The following LINGO3 variants were observed in gnomAD, a reference collection of about 807,000 sequenced individuals.
LINGO3 encodes the protein leucine-rich repeat and immunoglobulin-like domain-containing nogo receptor-interacting protein 3.
For missense variants in LINGO3, 750 were observed against 867.7 expected, an observed-to-expected ratio of 0.86 and a Z score of 1.70; for synonymous variants, 427 against 444.2, an observed-to-expected ratio of 0.96 and a Z score of 0.49.
the LINGO3 span, among the ~76,000 whole-genome samples, chr19:2,305,866 G>A: frequency 6.6e-6 from 1 of 152,230 alleles, no homozygotes; most frequent in Non-Finnish European, 1.5e-5. Flanking sequence ...TCCAAGGTCT[G>A]CTTTTGGGGA....
chr19:2,302,736 T>A, the LINGO3 span, among the ~76,000 whole-genome samples: 1 of 152,214 alleles, frequency 6.6e-6, no homozygotes, highest in Admixed American at 6.5e-5. Flanking sequence ...CTCATTACCA[T>A]GCACGACCAG....
the LINGO3 span, among the ~76,000 whole-genome samples, chr19:2,297,900 G>T: frequency 3.1e-3 from 475 of 151,690 alleles, 1 homozygote; most frequent in South Asian, 5.4e-3. Context: ...CACCGCGCCT[G>T]GCCTGTTTGT....
chr19:2,298,760 C>T, the LINGO3 span, among the ~76,000 whole-genome samples: 2 of 151,976 alleles, frequency 1.3e-5, no homozygotes, highest in Admixed American at 6.6e-5. Context: ...AGGCTGGTCT[C>T]GAACTCCTGA....
the LINGO3 span, among the ~76,000 whole-genome samples, chr19:2,298,664 C>T: frequency 6.6e-6 from 1 of 151,822 alleles, no homozygotes; most frequent in Non-Finnish European, 1.5e-5. Context: ...TCTCAGCCTC[C>T]CGAGTAGCTG....
the LINGO3 span, among the ~76,000 whole-genome samples, chr19:2,306,445 C>T: frequency 1.3e-5 from 2 of 152,138 alleles, no homozygotes; most frequent in Non-Finnish European, 2.9e-5. Context: ...CAGGGGGCGC[C>T]GGGGAATGAC....
chr19:2,301,092 A>G, the LINGO3 span, among the ~76,000 whole-genome samples: 1 of 151,912 alleles, frequency 6.6e-6, no homozygotes, highest in Non-Finnish European at 1.5e-5. Flanking sequence ...GCATCCCACA[A>G]TCCTCAGCCC....
the LINGO3 span, among the ~76,000 whole-genome samples, chr19:2,302,591 G>A: frequency 6.6e-6 from 1 of 152,026 alleles, no homozygotes; most frequent in African/African-American, 2.4e-5. Context: ...CACCAGGCCC[G>A]GACTGCCCGT....
the LINGO3 span, among the ~76,000 whole-genome samples, chr19:2,304,605 G>A: frequency 6.6e-6 from 1 of 151,998 alleles, no homozygotes; most frequent in Non-Finnish European, 1.5e-5. Context: ...GATAGGGTGG[G>A]GCCCTGAGCC....
the LINGO3 span, among the ~76,000 whole-genome samples, chr19:2,297,460 A>G: frequency 1.4e-4 from 21 of 151,840 alleles, no homozygotes; most frequent in South Asian, 2.7e-3. Context: ...GCCCGCCACC[A>G]CGCCCGGCTA....
At chr19:2,292,423 AAAGC>A (rs1232543280), upstream of LINGO3, among the ~76,000 whole-genome samples, 4 of 147,062 alleles carry the variant, frequency 2.7e-5, no homozygotes, top group African/African-American at 9.9e-5. Context: ...AAAAAAAAAA[AAAGC>A]AGCATTGATC....
chr19:2,301,414 G>A, the LINGO3 span, among the ~76,000 whole-genome samples: 1 of 152,066 alleles, frequency 6.6e-6, no homozygotes, highest in Non-Finnish European at 1.5e-5. Context: ...CTTCCCAGTC[G>A]TGACAGGCAC....
In LINGO3 at chr19:2,290,359, T is replaced by C; in HGVS notation, c.1418A>G (p.Gln473Arg). Residue 473 changes from glutamine to arginine, a missense_variant, in exon 1 of 1, where the codon CAG (glutamine) becomes CGG (arginine). By Grantham distance (43) the Gln-to-Arg change is conservative. Transcript: ENST00000585527. The surrounding 1 kb of genome is among the most constrained non-coding windows in gnomAD (Gnocchi z 6.0). The stretch of plus-strand genomic sequence containing the variant: ...CACGCACGTGTAGGTGCCGCTGTCC[T>C]GCGGCCGCGCGTCCTGGATCTCCAG... 6.7e-7 allele frequency: 1 copy of C among 1,496,080 alleles called. No individual in the cohort carries two copies. The highest frequency in any genetic ancestry group is 8.8e-7 in the Non-Finnish European group (1 of 1,131,448). The allele number at this position is 1,496,080 out of a possible 1,614,324, so 92.7% of individuals were successfully genotyped here. A position where few individuals can be genotyped will look rare whatever the true frequency, so the allele number is the denominator to read the frequency against.
At chr19:2,294,054 G>T (rs2025551514), upstream of LINGO3, among the ~76,000 whole-genome samples, 1 of 150,774 alleles carries the variant, frequency 6.6e-6, no homozygotes, top group Non-Finnish European at 1.5e-5. The surrounding 1 kb of genome is among the most constrained non-coding windows in gnomAD (Gnocchi z 4.3). Flanking sequence ...TGTCTCAAGG[G>T]AAAAAAAAAG....
downstream of LINGO3, among the ~76,000 whole-genome samples, chr19:2,289,631 T>C (rs1263217758): frequency 6.6e-6 from 1 of 151,898 alleles, no homozygotes; most frequent in Admixed American, 6.6e-5. Context: ...GGCAGCAGTC[T>C]TGTGCCTCCT....
chr19:2,290,691 CCA>C lies in LINGO3; in HGVS notation c.1084_1085del (p.Trp362AspfsTer298). The C allele has an allele frequency of 6.2e-7, 1 of 1,611,450 alleles. No individual in the cohort carries two copies. Among genetic ancestry groups the C allele is most frequent in the Non-Finnish European group, 8.5e-7 (1 of 1,179,448 alleles). On this transcript the variant is annotated frameshift_variant, in exon 1 of 1. Transcript: ENST00000585527. LOFTEE classifies it low-confidence loss of function (END_TRUNC). This position sits in a 1 kb window ranked among gnomAD's most constrained non-coding sequence, Gnocchi z 6.0. ...TGAGGGTCTTGCGACGCTGCACGATCCACAGCAGGCGACAGTCGCAGGCCAGC... is the reference window on the plus strand; with the variant it reads ...TGAGGGTCTTGCGACGCTGCACGATCCAGCAGGCGACAGTCGCAGGCCAGC...
chr19:2,291,053 T>C (rs1165163593), exon 1 of LINGO3: 4 of 1,610,220 alleles, frequency 2.5e-6, no homozygotes, highest in Non-Finnish European at 3.4e-6. Context: ...CCCCGCAGGC[T>C]GCCCGCCGCC....
chr19:2,299,010 A>G, the LINGO3 span, among the ~76,000 whole-genome samples: 1 of 152,112 alleles, frequency 6.6e-6, no homozygotes, highest in Non-Finnish European at 1.5e-5. Flanking sequence ...TCTGTTGAGA[A>G]ACCTACCCTC....
chr19:2,290,179 A>T lies in LINGO3; in HGVS notation c.1598T>A (p.Met533Lys). The T allele has an allele frequency of 1.9e-6, 3 of 1,612,110 alleles. No individual in the cohort carries two copies. Among genetic ancestry groups the T allele is most frequent in the Non-Finnish European group, 2.5e-6 (3 of 1,179,574 alleles). Residue 533 changes from methionine to lysine, a missense_variant, in exon 1 of 1, where the codon ATG (methionine) becomes AAG (lysine). Physicochemically the swap from Met to Lys is moderately conservative, Grantham distance 95 (BLOSUM62 -1). Coordinates refer to ENST00000585527, the Ensembl canonical transcript of LINGO3. The surrounding 1 kb of genome is among the most constrained non-coding windows in gnomAD (Gnocchi z 6.0). ...CACGCCCAGGAAGGTGATGCAGCCC[A>T]TGGCGGTGGACACCAGGATGGTGGT... is the stretch of plus-strand genomic sequence containing the variant.
At chr19:2,305,722 C>A in the LINGO3 span, among the ~76,000 whole-genome samples, 11 of 152,176 alleles carry the variant, frequency 7.2e-5, no homozygotes, top group Non-Finnish European at 1.2e-4. Flanking sequence ...CCCACAGTGA[C>A]CTCCATCTCC....
Sources: gnomAD v4.1 joint callset for allele counts (sites outside exome capture counted in the v4.1 genomes callset) on GRCh38, gnomAD v4.1.1 for gene constraint, Gnocchi (gnomAD v3.1) non-coding constraint, MANE v1.5 for transcripts, NCBI Gene and HGNC (gene_info 2026-07-23, HGNC 2026-07-21) for gene names.